The following PPFIA2 variants were observed in gnomAD, a reference collection of about 807,000 sequenced individuals.
The protein encoded by PPFIA2 is PPFI scaffold protein A2.
PPFIA2 carries 46 observed loss-of-function variants against 175.5 expected under a neutral mutation model. The ratio of observed to expected loss-of-function variants is 0.26; its 90% CI spans 0.21 to 0.34. PPFIA2 has a LOEUF of 0.34. Ranked by LOEUF, PPFIA2 falls within the 10% of genes least tolerant of loss-of-function variation. The pLI is 1.00. For missense variants in PPFIA2, 1,179 were observed against 1,506.1 expected, an observed-to-expected ratio of 0.78 and a Z score of 3.60; for synonymous variants, 568 against 511.4, an observed-to-expected ratio of 1.11 and a Z score of -1.49.
intron 3 of PPFIA2, among the ~76,000 whole-genome samples, chr12:81,714,036 TGGAAGAAGACTATTTTA>T (rs1475564482): frequency 2.6e-5 from 4 of 151,154 alleles, no homozygotes; most frequent in Non-Finnish European, 4.4e-5. Context: ...TGAAGATCAC[TGGAAGAAGACTATTTTA>T]GGAAGAGTTC....
chr12:81,396,214 T>A (rs752075937), intron 8 of PPFIA2, among the ~76,000 whole-genome samples: 2 of 152,112 alleles, frequency 1.3e-5, no homozygotes, highest in African/African-American at 2.4e-5. Context: ...TAAGTGTTCA[T>A]CATGTTCTAG....
At chr12:81,461,244 C>T (rs1010246301) in intron 4 of PPFIA2, among the ~76,000 whole-genome samples, 8 of 152,036 alleles carry the variant, frequency 5.3e-5, no homozygotes, top group Non-Finnish European at 1.2e-4. Flanking sequence ...CCATCGACTC[C>T]CTATTTTTCA....
chr12:81,347,487 A>G, intron 18 of PPFIA2, 46 bp downstream of exon 18: 1 of 1,474,020 alleles, frequency 6.8e-7, no homozygotes, highest in Non-Finnish European at 9.5e-7. Context: ...CTAAAGCATC[A>G]TTAATCTTAA....
chr12:81,636,878 C>A (rs1279541377), intron 4 of PPFIA2, among the ~76,000 whole-genome samples: 1 of 151,944 alleles, frequency 6.6e-6, no homozygotes, highest in African/African-American at 2.4e-5. Flanking sequence ...GTCTCAAACT[C>A]CTGACCTCAA....
intron 4 of PPFIA2, among the ~76,000 whole-genome samples, chr12:81,501,746 T>C (rs1197708080): frequency 6.6e-6 from 1 of 152,196 alleles, no homozygotes; most frequent in Non-Finnish European, 1.5e-5. Flanking sequence ...CATTAGTATT[T>C]TTATTTTCAA....
In PPFIA2 at chr12:81,743,934, ATTAT is replaced by A. The variant is rs566666413; in HGVS notation, c.249+10035_249+10038del. 1.4e-4 allele frequency among the ~76,000 whole-genome samples: 22 copies of A among 152,358 alleles called. 1 individual carries two copies. The highest frequency in any genetic ancestry group is 5.0e-4 in the African/African-American group (21 of 41,596). On this transcript the variant is annotated intron_variant, in intron 3 of 32. Coordinates refer to ENST00000549396, the MANE Select transcript of PPFIA2 (RefSeq NM_003625.5). ...TAAAGTATTTGTTGAATAAATAGTA[ATTAT>A]TTATGAAATGGTTATGATAAAATTA...
intron 24 of PPFIA2, among the ~76,000 whole-genome samples, chr12:81,284,786 T>C (rs2042895857): frequency 6.6e-6 from 1 of 152,048 alleles, no homozygotes; most frequent in Non-Finnish European, 1.5e-5. Context: ...TGGTTGTCAA[T>C]ATAAAGCGGG....
chr12:81,592,621 C>T (rs1208499110), intron 4 of PPFIA2, among the ~76,000 whole-genome samples: 1 of 152,138 alleles, frequency 6.6e-6, no homozygotes, highest in African/African-American at 2.4e-5. Flanking sequence ...TCTCTCTTTG[C>T]CTACTGCCAT....
chr12:81,295,346 G>C (rs1382256821), intron 23 of PPFIA2, among the ~76,000 whole-genome samples: 1 of 152,150 alleles, frequency 6.6e-6, no homozygotes, highest in Non-Finnish European at 1.5e-5. Context: ...CCCTTTGTAT[G>C]TAGGGACCAG....
chr12:81,411,502 C>A (rs146526527), intron 7 of PPFIA2, among the ~76,000 whole-genome samples: 3 of 152,038 alleles, frequency 2.0e-5, no homozygotes, highest in African/African-American at 7.2e-5. Context: ...GATTTTGGCT[C>A]TGACAAGCTC....
chr12:81,565,566 T>A (rs1420417740), intron 4 of PPFIA2, among the ~76,000 whole-genome samples: 2 of 152,176 alleles, frequency 1.3e-5, no homozygotes, highest in Non-Finnish European at 2.9e-5. Context: ...TACAACTGCA[T>A]ACACTCCTTT....
At chr12:81,624,091 T>C (rs1160332325) in intron 4 of PPFIA2, among the ~76,000 whole-genome samples, 1 of 151,820 alleles carries the variant, frequency 6.6e-6, no homozygotes, top group Non-Finnish European at 1.5e-5. Flanking sequence ...AAGGAAGAGG[T>C]GTTTTGAAAA....
At chr12:81,364,436 T>C (rs76643271) in intron 14 of PPFIA2, among the ~76,000 whole-genome samples, 1 of 151,918 alleles carries the variant, frequency 6.6e-6, no homozygotes, top group East Asian at 1.9e-4. Flanking sequence ...GAAACTGGAG[T>C]GCAGTTCTGT....
At chr12:81,632,656 G>A (rs1427297608) in intron 4 of PPFIA2, among the ~76,000 whole-genome samples, 1 of 150,754 alleles carries the variant, frequency 6.6e-6, no homozygotes, top group Non-Finnish European at 1.5e-5. Context: ...TTAACTCCTG[G>A]TAGGAATTAC....
At chr12:81,543,066 T>C (rs1219770812) in intron 4 of PPFIA2, among the ~76,000 whole-genome samples, 1 of 152,180 alleles carries the variant, frequency 6.6e-6, no homozygotes, top group Non-Finnish European at 1.5e-5. Flanking sequence ...TGCAGTTGCC[T>C]TGAATGAATC....
At chr12:81,427,707 T>G (rs2047390373) in intron 7 of PPFIA2, among the ~76,000 whole-genome samples, 1 of 152,076 alleles carries the variant, frequency 6.6e-6, no homozygotes, top group Non-Finnish European at 1.5e-5. Flanking sequence ...AAAAGTATTT[T>G]CATTTGCTCA....
chr12:81,401,189 G>A (rs2042039369), intron 8 of PPFIA2, among the ~76,000 whole-genome samples: 1 of 151,834 alleles, frequency 6.6e-6, no homozygotes. Context: ...CTACCACCTA[G>A]AATAGGGCCC....
intron 21 of PPFIA2, among the ~76,000 whole-genome samples, chr12:81,327,484 AATT>A (rs2055056943): frequency 6.6e-6 from 1 of 152,120 alleles, no homozygotes; most frequent in Non-Finnish European, 1.5e-5. Context: ...TATATCAATA[AATT>A]ATTATTCATA....
intron 3 of PPFIA2, among the ~76,000 whole-genome samples, chr12:81,688,379 T>C (rs1327975862): frequency 6.6e-6 from 1 of 151,910 alleles, no homozygotes; most frequent in Non-Finnish European, 1.5e-5. Flanking sequence ...TAATCCTAGA[T>C]ACACATAATT....
Sources: gnomAD v4.1 joint callset for allele counts (sites outside exome capture counted in the v4.1 genomes callset) on GRCh38, gnomAD v4.1.1 for gene constraint, MANE v1.5 for transcripts, NCBI Gene and HGNC (gene_info 2026-07-23, HGNC 2026-07-21) for gene names.